UHRF2: variants seen among roughly 807,000 people sequenced by gnomAD.
UHRF2 encodes the protein E3 ubiquitin-protein ligase UHRF2.
In UHRF2, 23 loss-of-function variants were observed where a neutral mutation model predicts 96.8. The observed-to-expected ratio is 0.24, with a 90% confidence interval of 0.17 to 0.34. The LOEUF (loss-of-function observed/expected upper bound fraction) is 0.34. Among genes scored for constraint, UHRF2 ranks in the 10% least tolerant of loss-of-function variants. The pLI is 1.00. For missense variants in UHRF2, 685 were observed against 981.5 expected (o/e 0.70, Z 4.04); for synonymous variants, 385 against 332.6 (o/e 1.16, Z -1.72).
intron 9 of UHRF2, among the ~76,000 whole-genome samples, chr9:6,488,540 CTTTTTTTTTTTTTTT>C (rs58280407): frequency 1.2e-5 from 1 of 83,822 alleles, no homozygotes; most frequent in Non-Finnish European, 2.2e-5. Flanking sequence ...TTTTTCTTTT[CTTTTTTTTTTTTTTT>C]TTTTTTTTTG....
intron 6 of UHRF2, among the ~76,000 whole-genome samples, chr9:6,481,017 CAT>C (rs752010270): frequency 2.1e-4 from 32 of 152,244 alleles, no homozygotes; most frequent in Admixed American, 2.6e-4. Context: ...TGCTTGGTGA[CAT>C]AAGAATAGCC....
chr9:6,432,763 A>AT (rs1404240901), intron 2 of UHRF2, among the ~76,000 whole-genome samples: 3 of 151,568 alleles, frequency 2.0e-5, no homozygotes, highest in African/African-American at 7.3e-5. Flanking sequence ...TGTTGATTTC[A>AT]TTTTTTCCTT....
chr9:6,468,486 A>G (rs947224726), intron 4 of UHRF2: 2 of 455,970 alleles, frequency 4.4e-6, no homozygotes, highest in East Asian at 6.9e-5. Flanking sequence ...AGAGGTAAGA[A>G]TCTCATAAGG....
intron 2 of UHRF2, among the ~76,000 whole-genome samples, chr9:6,426,662 C>T (rs1336244332): frequency 6.6e-6 from 1 of 152,154 alleles, no homozygotes; most frequent in Non-Finnish European, 1.5e-5. Context: ...GGTATTCTGC[C>T]TTCACAGAAT....
intron 9 of UHRF2, among the ~76,000 whole-genome samples, chr9:6,488,068 C>G (rs192174472): frequency 1.1e-3 from 165 of 151,238 alleles, no homozygotes; most frequent in Admixed American, 2.8e-3. Context: ...TGGCAAAGCC[C>G]TGTCCCTACC....
chr9:6,481,558 G>A (rs1823927913), intron 6 of UHRF2, 85 bp from the exon 7 acceptor site: 1 of 1,485,586 alleles, frequency 6.7e-7, no homozygotes, highest in African/African-American at 1.4e-5. Context: ...CTTAAAACTT[G>A]CTCTTACCTA....
chr9:6,485,336 C>T (rs763022748), intron 8 of UHRF2, among the ~76,000 whole-genome samples: 12 of 151,344 alleles, frequency 7.9e-5, no homozygotes, highest in Non-Finnish European at 1.3e-4. Context: ...TTTCGTATAC[C>T]TGTCTGTCAC....
intron 3 of UHRF2, chr9:6,434,394 C>T: frequency 4.0e-6 from 2 of 500,712 alleles, no homozygotes; most frequent in Non-Finnish European, 6.9e-6. Flanking sequence ...TATCACAATA[C>T]TGGCTTAATT....
At chr9:6,501,375 C>T (rs1816284297) in intron 14 of UHRF2, among the ~76,000 whole-genome samples, 1 of 151,836 alleles carries the variant, frequency 6.6e-6, no homozygotes, top group Admixed American at 6.6e-5. Flanking sequence ...AAATATTGAC[C>T]CCTTGTCATT....
intron 3 of UHRF2, among the ~76,000 whole-genome samples, chr9:6,455,574 T>C (rs1420986512): frequency 6.6e-6 from 1 of 152,194 alleles, no homozygotes; most frequent in African/African-American, 2.4e-5. Flanking sequence ...GTCTTTGCTA[T>C]TGTGAATAGT....
At chr9:6,487,174 T>TTTTATTTTTTATTTTTTA (rs1563799179) in intron 9 of UHRF2, among the ~76,000 whole-genome samples, 6 of 144,364 alleles carry the variant, frequency 4.2e-5, no homozygotes, top group African/African-American at 1.3e-4. Context: ...AGCTTTTATT[T>TTTTATTTTTTATTTTTTA]TTTTTTCCTT....
chr9:6,433,332 G>C (rs185499913), intron 2 of UHRF2, among the ~76,000 whole-genome samples: 27 of 152,140 alleles, frequency 1.8e-4, no homozygotes, highest in African/African-American at 6.5e-4. Context: ...TTTTATCTTT[G>C]TTCTTTGAGG....
intron 2 of UHRF2, among the ~76,000 whole-genome samples, chr9:6,429,940 G>A (rs1820476544): frequency 6.6e-6 from 1 of 152,136 alleles, no homozygotes; most frequent in Admixed American, 6.6e-5. Context: ...TTTTTTTAAT[G>A]ATTGCCCCTT....
chr9:6,452,161 T>G (rs193151230), intron 3 of UHRF2, among the ~76,000 whole-genome samples: 5 of 152,292 alleles, frequency 3.3e-5, no homozygotes, highest in Non-Finnish European at 7.4e-5. Flanking sequence ...AGCACAATAT[T>G]CTATTATGTA....
At chr9:6,462,728 C>T (rs1352591832) in intron 4 of UHRF2, among the ~76,000 whole-genome samples, 1 of 151,582 alleles carries the variant, frequency 6.6e-6, no homozygotes, top group Non-Finnish European at 1.5e-5. Flanking sequence ...ACCAGCCTGG[C>T]CAATATGGTG....
At chr9:6,500,765 T>G (rs1292647556) in intron 14 of UHRF2, 56 bp downstream of exon 14, 4 of 1,505,620 alleles carry the variant, frequency 2.7e-6, no homozygotes, top group Non-Finnish European at 3.6e-6. Context: ...TGATAAATAA[T>G]TGTCTCATGA....
intron 8 of UHRF2, 130 bp downstream of exon 8, chr9:6,482,229 G>T: frequency 1.3e-6 from 1 of 774,456 alleles, no homozygotes. Context: ...TATTTTTTAG[G>T]ATGGGTGTAC....
intron 4 of UHRF2, among the ~76,000 whole-genome samples, chr9:6,462,001 A>G (rs1487290159): frequency 2.0e-5 from 3 of 152,050 alleles, no homozygotes; most frequent in African/African-American, 7.2e-5. Context: ...TGTTTTTAAA[A>G]AAAAAAAAAT....
At chr9:6,416,870 C>A (rs569301672) in intron 1 of UHRF2, among the ~76,000 whole-genome samples, 48 of 151,034 alleles carry the variant, frequency 3.2e-4, no homozygotes, top group Admixed American at 2.2e-3. Flanking sequence ...TTAAAGGATT[C>A]TCTCTCGTCA....
Sources: gnomAD v4.1 joint callset for allele counts (sites outside exome capture counted in the v4.1 genomes callset) on GRCh38, gnomAD v4.1.1 for gene constraint, MANE v1.5 for transcripts, NCBI Gene and HGNC (gene_info 2026-07-23, HGNC 2026-07-21) for gene names.